The following CLRN1 variants were observed in gnomAD, a reference collection of about 807,000 sequenced individuals.
CLRN1 encodes clarin 1.
A neutral mutation model predicts 18.7 loss-of-function variants in CLRN1; 15 were observed. That is an observed-to-expected ratio of 0.80 (90% CI 0.54 to 1.23). The LOEUF is 1.23. Among genes scored for constraint, CLRN1 ranks in the 50% most tolerant of loss-of-function variants. The pLI, the probability that CLRN1 is intolerant of heterozygous loss-of-function variation, is 0.00. For synonymous variants in CLRN1, 104 were observed against 102.9 expected (o/e 1.01, Z -0.07); for missense variants, 311 against 277.5 (o/e 1.12, Z -0.86).
chr3:150,938,651 C>T (rs1331361671), intron 2 of CLRN1, among the ~76,000 whole-genome samples: 3 of 151,964 alleles, frequency 2.0e-5, no homozygotes, highest in Admixed American at 1.3e-4. Flanking sequence ...CTTAGAAAAA[C>T]ACTGGGTGAT....
At chr3:150,955,754 G>C (rs1282041132) in intron 1 of CLRN1, among the ~76,000 whole-genome samples, 2 of 152,090 alleles carry the variant, frequency 1.3e-5, no homozygotes, top group African/African-American at 4.8e-5. Context: ...CAGAGAAAGG[G>C]GATTGAAGGA....
At chr3:150,968,578 T>G (rs1011874869) in intron 1 of CLRN1, among the ~76,000 whole-genome samples, 1 of 152,216 alleles carries the variant, frequency 6.6e-6, no homozygotes, top group Non-Finnish European at 1.5e-5. Context: ...ATAGGGAACA[T>G]TTAATAGGAA....
At chr3:150,963,109 A>T (rs186260493) in intron 1 of CLRN1, among the ~76,000 whole-genome samples, 2 of 152,336 alleles carry the variant, frequency 1.3e-5, no homozygotes, top group Non-Finnish European at 2.9e-5. Context: ...AAATAGGAAG[A>T]GAGGAAGTCA....
intron 1 of CLRN1, among the ~76,000 whole-genome samples, chr3:150,949,902 C>A (rs1714395543): frequency 6.6e-6 from 1 of 152,190 alleles, no homozygotes; most frequent in Admixed American, 6.5e-5. Flanking sequence ...TGTTACCCAA[C>A]TTTGAAATAT....
intron 1 of CLRN1, among the ~76,000 whole-genome samples, chr3:150,972,239 G>A (rs2107996269): frequency 6.6e-6 from 1 of 152,044 alleles, no homozygotes; most frequent in Non-Finnish European, 1.5e-5. Flanking sequence ...CCTTAATTAT[G>A]TAACAATGAA....
At chr3:150,962,062 T>A (rs1442448840) in intron 1 of CLRN1, among the ~76,000 whole-genome samples, 1 of 152,150 alleles carries the variant, frequency 6.6e-6, no homozygotes, top group African/African-American at 2.4e-5. Flanking sequence ...CATCAGTGAG[T>A]CTTAATCACC....
In CLRN1 at chr3:150,927,480, G is replaced by A; in HGVS notation, c.*456C>T. The A allele has an allele frequency of 2.2e-6, 1 of 452,930 alleles. No individual in the cohort carries two copies. Among genetic ancestry groups the A allele is most frequent in the South Asian group, 1.6e-5 (1 of 63,996 alleles). The allele number at this position is 452,930 out of a possible 1,614,324, so 28.1% of individuals were successfully genotyped here. On this transcript the variant is annotated 3_prime_UTR_variant, in exon 3 of 3. Transcript: ENST00000327047. ...ATGTGTGTTGATACATTTTATAGAT[G>A]TTCATTTAATACACTACTGTTTTAG...
At chr3:150,936,710 TA>T (rs1367831321) in intron 2 of CLRN1, among the ~76,000 whole-genome samples, 1 of 152,182 alleles carries the variant, frequency 6.6e-6, no homozygotes, top group African/African-American at 2.4e-5. Context: ...GAATCAATTC[TA>T]AAAGACTTAC....
At chr3:150,926,460 C>T (rs3796239), downstream of CLRN1, 209,085 of 361,884 alleles carry the variant, frequency 0.58, 61,404 homozygotes, top group East Asian at 0.79. Flanking sequence ...CTTACAGAAC[C>T]GGGCTCTAGC....
At chr3:150,940,149 C>A (rs1713728299) in intron 2 of CLRN1, among the ~76,000 whole-genome samples, 1 of 152,176 alleles carries the variant, frequency 6.6e-6, no homozygotes, top group South Asian at 2.1e-4. Flanking sequence ...GTTAGAGATA[C>A]AAAGATGTAA....
intron 1 of CLRN1, among the ~76,000 whole-genome samples, chr3:150,960,095 C>T (rs574261664): frequency 9.9e-5 from 15 of 152,188 alleles, no homozygotes; most frequent in African/African-American, 3.6e-4. Flanking sequence ...GTTTAAAATT[C>T]ATCTGGTTTT....
Position 150,927,105 on chromosome 3 carries a change from A to C in CLRN1, c.*831T>G, listed in dbSNP as rs1423317708. ...CAGAGATCATTTTTCATGATTCCTC[A>C]GTGGTCCTAACAATTATGTTCATTG... On this transcript the variant is annotated 3_prime_UTR_variant, in exon 3 of 3. Coordinates refer to ENST00000327047, the MANE Select transcript of CLRN1 (RefSeq NM_174878.3). The C allele has an allele frequency of 5.3e-6, 4 of 751,610 alleles. No homozygotes were observed. The highest frequency in any genetic ancestry group is 3.5e-5 in the African/African-American group (2 of 57,930). 46.6% of individuals were successfully genotyped at this position (751,610 alleles called of 1,614,324 possible). A position where few individuals can be genotyped will look rare whatever the true frequency, so the allele number is the denominator to read the frequency against.
At chr3:150,940,219 A>G (rs1400390359) in intron 2 of CLRN1, among the ~76,000 whole-genome samples, 1 of 152,242 alleles carries the variant, frequency 6.6e-6, no homozygotes, top group Non-Finnish European at 1.5e-5. Context: ...TGTATTATAT[A>G]CTTGTGACAA....
At chr3:150,955,041 C>G (rs1714670636) in intron 1 of CLRN1, among the ~76,000 whole-genome samples, 1 of 152,228 alleles carries the variant, frequency 6.6e-6, no homozygotes, top group Non-Finnish European at 1.5e-5. Context: ...GTGGCCCATC[C>G]ATGTGATGAA....
At chr3:150,959,311 C>T (rs1043734896) in intron 1 of CLRN1, among the ~76,000 whole-genome samples, 1 of 152,096 alleles carries the variant, frequency 6.6e-6, no homozygotes, top group African/African-American at 2.4e-5. Context: ...AATAATTTGT[C>T]TCACATGTCA....
chr3:150,933,453 A>C (rs1464789774), intron 2 of CLRN1, among the ~76,000 whole-genome samples: 1 of 152,034 alleles, frequency 6.6e-6, no homozygotes, highest in Admixed American at 6.6e-5. Flanking sequence ...GAAGTGAGGG[A>C]GTGAGAAGGT....
intron 1 of CLRN1, chr3:150,945,632 G>A (rs1407563884): frequency 3.9e-6 from 5 of 1,285,746 alleles, no homozygotes; most frequent in Non-Finnish European, 5.1e-6. Context: ...AGGAGTCATG[G>A]CCAGGTCATT....
chr3:150,933,588 A>C (rs573760512), intron 2 of CLRN1, among the ~76,000 whole-genome samples: 2 of 152,276 alleles, frequency 1.3e-5, no homozygotes, highest in African/African-American at 4.8e-5. Context: ...TGTGTTTCTG[A>C]AGTGGATACA....
rs34027634 is a variant in CLRN1 at position 150,927,631 on chromosome 3, T to TACAC, written c.*301_*304dup. On this transcript the variant is annotated 3_prime_UTR_variant, in exon 3 of 3. Coordinates refer to ENST00000327047, the MANE Select transcript of CLRN1 (RefSeq NM_174878.3). ...ATATCTTTTTGATAGGAAGACATCT[T>TACAC]ACACACACACACACACACACACACA... is the stretch of plus-strand genomic sequence containing the variant. 1.6e-3 allele frequency: 757 copies of TACAC among 473,380 alleles called. 8 individuals are homozygous for TACAC. Among genetic ancestry groups the TACAC allele is most frequent in the African/African-American group, 0.013 (657 of 50,124 alleles). The allele number at this position is 473,380 out of a possible 1,614,324, so 29.3% of individuals were successfully genotyped here.
Sources: gnomAD v4.1 joint callset for allele counts (sites outside exome capture counted in the v4.1 genomes callset) on GRCh38, gnomAD v4.1.1 for gene constraint, MANE v1.5 for transcripts, NCBI Gene and HGNC (gene_info 2026-07-23, HGNC 2026-07-21) for gene names.